VPS8: variants seen among roughly 807,000 people sequenced by gnomAD.
VPS8 encodes VPS8 subunit of CORVET complex.
VPS8 carries 129 observed loss-of-function variants against 216.4 expected under a neutral mutation model. That is an observed-to-expected ratio of 0.60 (90% CI 0.52 to 0.69). VPS8 has a LOEUF of 0.69. Among genes scored for constraint, VPS8 ranks in the 30% least tolerant of loss-of-function variants. The probability of loss-of-function intolerance (pLI) is 0.00; values close to 1 mark genes in which losing one functional copy is unlikely to be tolerated. For synonymous variants in VPS8, 571 were observed against 565.4 expected, an observed-to-expected ratio of 1.01 and a Z score of -0.14; for missense variants, 1,531 against 1,683.5, an observed-to-expected ratio of 0.91 and a Z score of 1.59.
intron 40 of VPS8, among the ~76,000 whole-genome samples, chr3:184,972,983 T>G (rs1008449020): frequency 1.3e-5 from 2 of 152,214 alleles, no homozygotes; most frequent in African/African-American, 2.4e-5. Flanking sequence ...CATGGCATAT[T>G]TTCTGTTCTT....
Position 184,852,492 on chromosome 3 carries a change from C to G in VPS8, c.754-8C>G. The G allele has an allele frequency of 6.2e-7, 1 of 1,609,722 alleles. No homozygotes were observed. The highest frequency in any genetic ancestry group is 8.5e-7 in the Non-Finnish European group (1 of 1,178,554). ...ATGTACAAGAAAATAAATTCCTTCT[C>G]TGTTTAGTTTACAGATGATCCAACT... On this transcript the variant is annotated splice_polypyrimidine_tract_variant and splice_region_variant and intron_variant, in intron 10 of 47. Transcript: ENST00000625842.
chr3:184,994,526 TAC>T lies in VPS8; in HGVS notation c.3666+475_3666+476del, dbSNP rs200595488. ...AAAATTCTCTTGACCTTAATTTGTG[TAC>T]ACACACACACATTTCAGAATGTAGA... On this transcript the variant is annotated intron_variant, in intron 43 of 47. Transcript: ENST00000625842. Among the ~76,000 whole-genome samples, 513 of 151,694 alleles carry T rather than the reference TAC, an allele frequency of 3.4e-3. 2 individuals are homozygous for T. The highest frequency in any genetic ancestry group is 0.012 in the African/African-American group (479 of 41,394).
chr3:184,821,658 C>A (rs568772487), intron 1 of VPS8, among the ~76,000 whole-genome samples: 1 of 151,986 alleles, frequency 6.6e-6, no homozygotes, highest in African/African-American at 2.4e-5. Flanking sequence ...GCCTCTACTT[C>A]GTTTTTTTAG....
intron 40 of VPS8, among the ~76,000 whole-genome samples, chr3:184,972,797 A>G (rs1046764098): frequency 1.1e-4 from 16 of 152,260 alleles, no homozygotes; most frequent in African/African-American, 3.1e-4. Flanking sequence ...AAATTCTGCA[A>G]TAGTTTTAAG....
At chr3:184,950,284 C>G (rs1219855331) in intron 36 of VPS8, among the ~76,000 whole-genome samples, 1 of 111,104 alleles carries the variant, frequency 9.0e-6, no homozygotes, top group East Asian at 3.1e-4. Flanking sequence ...CATTCTCAGT[C>G]TAAAAGGTAC....
At chr3:184,979,802 CA>C (rs1190999555) in intron 40 of VPS8, among the ~76,000 whole-genome samples, 2 of 152,118 alleles carry the variant, frequency 1.3e-5, no homozygotes. Context: ...TGTTTATGTT[CA>C]AGGATACTAT....
intron 21 of VPS8, among the ~76,000 whole-genome samples, chr3:184,871,473 A>G (rs1435237086): frequency 6.6e-6 from 1 of 150,840 alleles, no homozygotes; most frequent in Non-Finnish European, 1.5e-5. Flanking sequence ...TTCTAAAAAG[A>G]CTCAGATAGC....
chr3:184,990,384 GTC>G (rs898286800), intron 42 of VPS8, among the ~76,000 whole-genome samples: 4 of 152,162 alleles, frequency 2.6e-5, no homozygotes, highest in African/African-American at 9.7e-5. Context: ...CAGAGATCGT[GTC>G]TCCCTTGTTC....
Position 184,868,127 on chromosome 3 carries a change from CT to C in VPS8, c.1506+72del, listed in dbSNP as rs1727704389. 2.6e-6 allele frequency: 4 copies of C among 1,521,054 alleles called. No homozygotes were observed. The South Asian group carries it at 3.5e-5, about 13-fold the overall frequency. 94.2% of individuals were successfully genotyped at this position (1,521,054 alleles called of 1,614,324 possible). A position where few individuals can be genotyped will look rare whatever the true frequency, so the allele number is the denominator to read the frequency against. ...TAGCTTCTTAACATTTCTGTTTTGA[CT>C]TTTCAGAAGAAGATTATTTGGTAAG... On this transcript the variant is annotated intron_variant, in intron 18 of 47. Transcript: ENST00000625842.
At chr3:184,949,784 T>A (rs1199299660) in intron 36 of VPS8, among the ~76,000 whole-genome samples, 1 of 152,222 alleles carries the variant, frequency 6.6e-6, no homozygotes, top group East Asian at 1.9e-4. Context: ...AAGGATTACA[T>A]TTGGCATTTT....
intron 1 of VPS8, among the ~76,000 whole-genome samples, chr3:184,821,979 G>A (rs964893902): frequency 3.9e-5 from 6 of 152,082 alleles, no homozygotes; most frequent in African/African-American, 1.4e-4. Context: ...CACATGGTTT[G>A]AAGGAGCCCT....
chr3:185,019,079 T>C (rs1021972242), intron 45 of VPS8, among the ~76,000 whole-genome samples: 1 of 152,114 alleles, frequency 6.6e-6, no homozygotes, highest in South Asian at 2.1e-4. Flanking sequence ...CTCTCCTTCC[T>C]CCTCATCATT....
At chr3:184,879,283 G>A (rs994034593) in intron 21 of VPS8, among the ~76,000 whole-genome samples, 2 of 152,106 alleles carry the variant, frequency 1.3e-5, no homozygotes, top group African/African-American at 4.8e-5. Context: ...ATGAATATCC[G>A]ACAAGAGAAG....
At chr3:184,878,447 A>G (rs1729672467) in intron 21 of VPS8, among the ~76,000 whole-genome samples, 1 of 152,156 alleles carries the variant, frequency 6.6e-6, no homozygotes, top group African/African-American at 2.4e-5. Flanking sequence ...ATCGTTACTA[A>G]GCTCTCCTTC....
At chr3:185,013,687 G>A (rs1379724371) in intron 45 of VPS8, among the ~76,000 whole-genome samples, 1 of 152,058 alleles carries the variant, frequency 6.6e-6, no homozygotes. Context: ...CTCCTACAAC[G>A]GGCCATATCA....
At chr3:184,965,404 A>G (rs1747235265) in intron 38 of VPS8, among the ~76,000 whole-genome samples, 1 of 152,222 alleles carries the variant, frequency 6.6e-6, no homozygotes, top group African/African-American at 2.4e-5. Flanking sequence ...TAAGGAATAA[A>G]TAAGAGTATT....
At chr3:184,909,960 A>T (rs1241504017) in intron 25 of VPS8, among the ~76,000 whole-genome samples, 1 of 151,818 alleles carries the variant, frequency 6.6e-6, no homozygotes, top group Non-Finnish European at 1.5e-5. Context: ...GTGGGCTTGA[A>T]TTGCAAACCC....
At chr3:185,020,663 G>A (rs1756519393) in intron 45 of VPS8, among the ~76,000 whole-genome samples, 1 of 151,988 alleles carries the variant, frequency 6.6e-6, no homozygotes, top group Admixed American at 6.6e-5. Flanking sequence ...TGGAAATGGG[G>A]TTTCGCCATG....
intron 46 of VPS8, among the ~76,000 whole-genome samples, chr3:185,043,769 T>A (rs1712228480): frequency 6.6e-6 from 1 of 152,166 alleles, no homozygotes; most frequent in Admixed American, 6.5e-5. Flanking sequence ...AGTTTTGAAA[T>A]TAAAGCAGAA....
Sources: gnomAD v4.1 joint callset for allele counts (sites outside exome capture counted in the v4.1 genomes callset) on GRCh38, gnomAD v4.1.1 for gene constraint, MANE v1.5 for transcripts, NCBI Gene and HGNC (gene_info 2026-07-23, HGNC 2026-07-21) for gene names.